The following ZBTB20 variants were observed in gnomAD, a reference collection of about 807,000 sequenced individuals.
The protein encoded by ZBTB20 is zinc finger and BTB domain-containing protein 20.
ZBTB20 carries 9 observed loss-of-function variants against 56.9 expected under a neutral mutation model. The ratio of observed to expected loss-of-function variants is 0.16; its 90% CI spans 0.10 to 0.28. The LOEUF is 0.28. Ranked by LOEUF, ZBTB20 falls within the 10% of genes least tolerant of loss-of-function variation. The pLI is 1.00. For synonymous variants in ZBTB20, 417 were observed against 420.7 expected (o/e 0.99, Z 0.11); for missense variants, 655 against 1,003.0 (o/e 0.65, Z 4.69).
chr3:114,414,659 A>G (rs2733397), intron 7 of ZBTB20, among the ~76,000 whole-genome samples: 147,488 of 150,070 alleles, frequency 0.98, 72,536 homozygotes, highest in Middle Eastern at 1. Flanking sequence ...CTATCCTTGT[A>G]AAATGGGAAA....
chr3:115,130,672 A>G (rs2084477815), intron 1 of ZBTB20, among the ~76,000 whole-genome samples: 1 of 152,222 alleles, frequency 6.6e-6, no homozygotes, highest in Non-Finnish European at 1.5e-5. Context: ...ATATAAAGGA[A>G]AAAAACAATC....
chr3:114,531,900 T>C (rs995496889), intron 6 of ZBTB20, among the ~76,000 whole-genome samples: 1 of 152,248 alleles, frequency 6.6e-6, no homozygotes, highest in Admixed American at 6.5e-5. Flanking sequence ...GGGAATTCCC[T>C]CCGTTAGCCG....
chr3:114,747,929 A>AAAAAAAAAC (rs2067175355), intron 5 of ZBTB20, among the ~76,000 whole-genome samples: 1 of 2,090 alleles, frequency 4.8e-4, no homozygotes, highest in African/African-American at 4.9e-4. Flanking sequence ...AAAAAAAAAA[A>AAAAAAAAAC]AAAAAAAAAA....
chr3:114,963,133 G>A (rs1414334226), intron 3 of ZBTB20, among the ~76,000 whole-genome samples: 1 of 151,266 alleles, frequency 6.6e-6, no homozygotes, highest in Admixed American at 6.6e-5. Flanking sequence ...TTTTATTTAT[G>A]AATATAGCCC....
At position 115,038,513 on chromosome 3, in the gene ZBTB20, CA is replaced by C. The variant is rs950184376; in HGVS notation, c.-507+32705del. ...TTCATACTCTTATGCAGTAAATACT[CA>C]AAAAAATAAGCAATGAAAATAACAT... On this transcript the variant is annotated intron_variant, in intron 2 of 11. Transcript: ENST00000675478. Among the ~76,000 whole-genome samples the C allele has an allele frequency of 2.0e-5, 3 of 151,964 alleles. No individual in the cohort carries two copies. The South Asian group carries it at 6.2e-4, about 32-fold the overall frequency.
intron 2 of ZBTB20, among the ~76,000 whole-genome samples, chr3:115,055,887 T>C (rs900680519): frequency 3.3e-5 from 5 of 152,102 alleles, no homozygotes; most frequent in Non-Finnish European, 2.9e-5. Flanking sequence ...AAGAAAACAC[T>C]AAGAATATTT....
intron 2 of ZBTB20, among the ~76,000 whole-genome samples, chr3:114,978,921 GAA>G (rs1023561966): frequency 4.0e-5 from 6 of 151,678 alleles, no homozygotes; most frequent in African/African-American, 1.5e-4. Context: ...TGAATGTTAA[GAA>G]AGACATTTGA....
intron 5 of ZBTB20, among the ~76,000 whole-genome samples, chr3:114,788,185 T>G (rs1184238817): frequency 6.6e-6 from 1 of 152,170 alleles, no homozygotes; most frequent in Non-Finnish European, 1.5e-5. Context: ...AAGGTACATT[T>G]TTTTATTGTG....
intron 7 of ZBTB20, among the ~76,000 whole-genome samples, chr3:114,477,332 A>G (rs1343725127): frequency 6.6e-6 from 1 of 152,132 alleles, no homozygotes; most frequent in Non-Finnish European, 1.5e-5. Context: ...ATCTCATTTA[A>G]TCATCATAAG....
At chr3:114,489,865 G>A (rs1223906262) in intron 7 of ZBTB20, among the ~76,000 whole-genome samples, 1 of 152,148 alleles carries the variant, frequency 6.6e-6, no homozygotes, top group African/African-American at 2.4e-5. Flanking sequence ...CCCAAATAAA[G>A]ATAAGCCATC....
chr3:114,378,273 A>C (rs1240834726), intron 10 of ZBTB20, among the ~76,000 whole-genome samples: 1 of 152,250 alleles, frequency 6.6e-6, no homozygotes, highest in Non-Finnish European at 1.5e-5. Flanking sequence ...ACTACAATCC[A>C]AATATATTTG....
chr3:114,573,463 G>GA (rs1173999269), intron 6 of ZBTB20, among the ~76,000 whole-genome samples: 387 of 34,326 alleles, frequency 0.011, 4 homozygotes, highest in African/African-American at 0.024. Context: ...CAACAAAAAA[G>GA]AAAAAAAAAA....
intron 6 of ZBTB20, among the ~76,000 whole-genome samples, chr3:114,635,129 A>G (rs2059186255): frequency 6.6e-6 from 1 of 152,154 alleles, no homozygotes; most frequent in Non-Finnish European, 1.5e-5. Context: ...GTTCTGAGGG[A>G]TAGTTAGCAA....
intron 5 of ZBTB20, among the ~76,000 whole-genome samples, chr3:114,748,352 T>TCTCTC (rs374192570): frequency 4.1e-5 from 2 of 48,578 alleles, no homozygotes; most frequent in African/African-American, 5.7e-5. Flanking sequence ...TTTCTTTCTT[T>TCTCTC]TCTCTCTCTC....
intron 6 of ZBTB20, among the ~76,000 whole-genome samples, chr3:114,578,455 A>G (rs1315842945): frequency 2.6e-5 from 4 of 152,014 alleles, no homozygotes; most frequent in Admixed American, 2.0e-4. Context: ...CCTGAGATTA[A>G]TAAGTATATC....
chr3:115,098,527 C>T (rs868663915), intron 1 of ZBTB20, among the ~76,000 whole-genome samples: 9 of 152,000 alleles, frequency 5.9e-5, no homozygotes, highest in Non-Finnish European at 1.2e-4. Flanking sequence ...AAAAAATCTC[C>T]GACGGGACCT....
intron 1 of ZBTB20, among the ~76,000 whole-genome samples, chr3:115,095,335 T>C (rs913338758): frequency 2.6e-5 from 4 of 152,128 alleles, no homozygotes; most frequent in African/African-American, 9.7e-5. Context: ...ATTGGTTAAC[T>C]GAACTACAAA....
At chr3:114,414,634 C>G (rs1003912320) in intron 7 of ZBTB20, among the ~76,000 whole-genome samples, 1 of 150,980 alleles carries the variant, frequency 6.6e-6, no homozygotes, top group Non-Finnish European at 1.5e-5. Context: ...ATACAAAATA[C>G]CTGTATCTTA....
chr3:114,404,305 T>A (rs1250131013), intron 7 of ZBTB20, among the ~76,000 whole-genome samples: 1 of 152,168 alleles, frequency 6.6e-6, no homozygotes, highest in African/African-American at 2.4e-5. Context: ...TCATGAAAGC[T>A]TATGTGATTG....
Sources: gnomAD v4.1 joint callset for allele counts (sites outside exome capture counted in the v4.1 genomes callset) on GRCh38, gnomAD v4.1.1 for gene constraint, MANE v1.5 for transcripts, NCBI Gene and HGNC (gene_info 2026-07-23, HGNC 2026-07-21) for gene names.